ATG10: variants seen among roughly 807,000 people sequenced by gnomAD.
The protein encoded by ATG10 is autophagy related 10.
In ATG10, 30 loss-of-function variants were observed where a neutral mutation model predicts 32.1. The ratio of observed to expected loss-of-function variants is 0.94; its 90% CI spans 0.70 to 1.27. The LOEUF is 1.27. Ranked by LOEUF, ATG10 falls within the 50% of genes most tolerant of loss-of-function variation. The pLI, the probability that ATG10 is intolerant of heterozygous loss-of-function variation, is 0.00. For missense variants in ATG10, 233 were observed against 262.3 expected (o/e 0.89, Z 0.77); for synonymous variants, 87 against 91.5 (o/e 0.95, Z 0.28).
At chr5:82,145,102 A>G (rs995805122) in intron 3 of ATG10, among the ~76,000 whole-genome samples, 2 of 152,006 alleles carry the variant, frequency 1.3e-5, no homozygotes, top group African/African-American at 2.4e-5. Context: ...ATCTACTCCA[A>G]CATTCTTATG....
intron 2 of ATG10, among the ~76,000 whole-genome samples, chr5:82,023,358 A>G (rs1018700827): frequency 3.3e-5 from 5 of 152,104 alleles, no homozygotes; most frequent in Non-Finnish European, 5.9e-5. Flanking sequence ...GCATTATCCT[A>G]CTTTAGGTGT....
intron 4 of ATG10, among the ~76,000 whole-genome samples, chr5:82,176,932 G>A (rs1455991160): frequency 6.6e-6 from 1 of 152,130 alleles, no homozygotes; most frequent in African/African-American, 2.4e-5. Context: ...AAAGGTTGAG[G>A]AAAAGTTCAA....
At chr5:82,047,174 C>A (rs777034856) in intron 2 of ATG10, among the ~76,000 whole-genome samples, 4 of 152,026 alleles carry the variant, frequency 2.6e-5, no homozygotes, top group Non-Finnish European at 4.4e-5. Flanking sequence ...TTATAATATC[C>A]GTTGGCCATT....
chr5:81,999,935 A>T (rs1239199549), intron 2 of ATG10, among the ~76,000 whole-genome samples: 1 of 152,222 alleles, frequency 6.6e-6, no homozygotes, highest in African/African-American at 2.4e-5. Context: ...TCACAGCTGA[A>T]TTCTAGATGT....
At chr5:82,007,984 T>C (rs1447157447) in intron 2 of ATG10, among the ~76,000 whole-genome samples, 2 of 152,218 alleles carry the variant, frequency 1.3e-5, no homozygotes, top group South Asian at 4.1e-4. Flanking sequence ...CTAAAAGAAA[T>C]AGATATTTCT....
intron 3 of ATG10, among the ~76,000 whole-genome samples, chr5:82,132,144 A>G (rs1339338114): frequency 6.6e-6 from 1 of 152,140 alleles, no homozygotes; most frequent in East Asian, 1.9e-4. Context: ...AAACCAAATC[A>G]TTAGTCTTAT....
intron 4 of ATG10, among the ~76,000 whole-genome samples, chr5:82,173,905 C>A (rs916386285): frequency 6.6e-6 from 1 of 151,988 alleles, no homozygotes; most frequent in East Asian, 1.9e-4. Context: ...TATTTATGTC[C>A]GTGTTTTAAG....
At chr5:82,168,106 T>C (rs1743654199) in intron 4 of ATG10, among the ~76,000 whole-genome samples, 1 of 152,032 alleles carries the variant, frequency 6.6e-6, no homozygotes, top group Non-Finnish European at 1.5e-5. Context: ...TTTTGAAGCA[T>C]ACCATATTAA....
chr5:82,086,862 C>G (rs1374659099), intron 3 of ATG10, among the ~76,000 whole-genome samples: 5 of 152,280 alleles, frequency 3.3e-5, no homozygotes, highest in Non-Finnish European at 7.4e-5. Context: ...TCGTAAACAT[C>G]AGTGTACTTC....
At chr5:82,102,493 TCC>T (rs1389221719) in intron 3 of ATG10, among the ~76,000 whole-genome samples, 6 of 152,100 alleles carry the variant, frequency 3.9e-5, no homozygotes, top group Non-Finnish European at 8.8e-5. Context: ...GAATGTCTAC[TCC>T]AATAGAAACA....
intron 3 of ATG10, among the ~76,000 whole-genome samples, chr5:82,063,460 C>T (rs895271195): frequency 6.6e-6 from 1 of 151,602 alleles, no homozygotes; most frequent in African/African-American, 2.4e-5. Flanking sequence ...CAGCCATCTA[C>T]TGTTTGTTTA....
chr5:82,016,453 C>T (rs532890558), intron 2 of ATG10, among the ~76,000 whole-genome samples: 4 of 152,204 alleles, frequency 2.6e-5, no homozygotes, highest in South Asian at 2.1e-4. Flanking sequence ...TTATTTTTTA[C>T]GAGTTCCATG....
intron 2 of ATG10, among the ~76,000 whole-genome samples, chr5:82,024,039 TTAAC>T (rs1291942725): frequency 6.6e-6 from 1 of 152,204 alleles, no homozygotes; most frequent in African/African-American, 2.4e-5. Flanking sequence ...AATAGGGGTT[TTAAC>T]TAACCTAAAA....
At chr5:82,086,741 T>C (rs1251634686) in intron 3 of ATG10, among the ~76,000 whole-genome samples, 3 of 152,134 alleles carry the variant, frequency 2.0e-5, no homozygotes, top group Non-Finnish European at 2.9e-5. Context: ...TGCATGTGTA[T>C]CTGGTTTGTT....
At chr5:82,183,991 T>C (rs1221542283) in intron 5 of ATG10, among the ~76,000 whole-genome samples, 1 of 152,344 alleles carries the variant, frequency 6.6e-6, no homozygotes, top group East Asian at 1.9e-4. Flanking sequence ...ACAACCCATG[T>C]GGCTTTGATG....
chr5:82,005,830 C>T (rs1174466978), intron 2 of ATG10, among the ~76,000 whole-genome samples: 1 of 152,078 alleles, frequency 6.6e-6, no homozygotes, highest in Non-Finnish European at 1.5e-5. Context: ...ATCCTACTTT[C>T]TTGAGATTAT....
At chr5:82,040,066 G>T (rs1763038131) in intron 2 of ATG10, among the ~76,000 whole-genome samples, 1 of 151,412 alleles carries the variant, frequency 6.6e-6, no homozygotes, top group Non-Finnish European at 1.5e-5. Flanking sequence ...TAGCTTCTCA[G>T]GGCTCCAAAC....
chr5:82,026,356 G>A (rs1294755621), intron 2 of ATG10, among the ~76,000 whole-genome samples: 2 of 152,054 alleles, frequency 1.3e-5, no homozygotes, highest in Non-Finnish European at 1.5e-5. Context: ...TATACGTGCC[G>A]CATTTTGTTT....
At chr5:82,160,655 C>T (rs1252219910) in intron 3 of ATG10, among the ~76,000 whole-genome samples, 1 of 152,166 alleles carries the variant, frequency 6.6e-6, no homozygotes, top group African/African-American at 2.4e-5. Context: ...TCTTCACCAA[C>T]ATTTGGTGGT....
Sources: gnomAD v4.1 joint callset for allele counts (sites outside exome capture counted in the v4.1 genomes callset) on GRCh38, gnomAD v4.1.1 for gene constraint, MANE v1.5 for transcripts, NCBI Gene and HGNC (gene_info 2026-07-23, HGNC 2026-07-21) for gene names.